Variants in RBBP8 observed in about 807,000 individuals in gnomAD.
The protein encoded by RBBP8 is DNA endonuclease RBBP8.
RBBP8 carries 88 observed loss-of-function variants against 108.3 expected under a neutral mutation model. That is an observed-to-expected ratio of 0.81 (90% confidence interval 0.68 to 0.97). RBBP8 has a LOEUF of 0.97. Ranked by LOEUF, RBBP8 falls within the 50% of genes least tolerant of loss-of-function variation. The pLI, the probability that RBBP8 is intolerant of heterozygous loss-of-function variation, is 0.00. For missense variants in RBBP8, 1,023 were observed against 1,049.0 expected, an observed-to-expected ratio of 0.98 and a Z score of 0.34; for synonymous variants, 332 against 348.2, an observed-to-expected ratio of 0.95 and a Z score of 0.52.
At chr18:22,983,974 G>A (rs1209038545) in intron 7 of RBBP8, among the ~76,000 whole-genome samples, 9 of 152,232 alleles carry the variant, frequency 5.9e-5, no homozygotes, top group African/African-American at 1.7e-4. Flanking sequence ...CCAGCTACTC[G>A]AGAGGCTGAA....
intron 3 of RBBP8, among the ~76,000 whole-genome samples, chr18:22,927,144 A>T (rs546342012): frequency 6.6e-6 from 1 of 152,340 alleles, no homozygotes; most frequent in South Asian, 2.1e-4. Flanking sequence ...CTCACCTCTC[A>T]AACAGCCTTT....
At chr18:22,962,536 G>GT (rs530134651) in intron 4 of RBBP8, among the ~76,000 whole-genome samples, 25 of 151,782 alleles carry the variant, frequency 1.6e-4, no homozygotes, top group Non-Finnish European at 2.9e-4. Flanking sequence ...CCCAAAGCAC[G>GT]TATCACCTTG....
At chr18:22,964,661 G>A (rs1913417729) in intron 4 of RBBP8, among the ~76,000 whole-genome samples, 1 of 142,728 alleles carries the variant, frequency 7.0e-6, no homozygotes, top group Non-Finnish European at 1.6e-5. Flanking sequence ...TTTTATTTTG[G>A]TTTTTGTTTA....
At chr18:22,946,331 C>G in intron 2 of RBBP8, 113 bp from the exon 3 acceptor site, 1 of 1,448,206 alleles carries the variant, frequency 6.9e-7, no homozygotes, top group Non-Finnish European at 9.4e-7. Flanking sequence ...ATACTGTAAA[C>G]TAATGAGACC....
chr18:22,939,083 ACATTT>A (rs1170099700), intron 2 of RBBP8, among the ~76,000 whole-genome samples: 1 of 152,220 alleles, frequency 6.6e-6, no homozygotes, highest in Non-Finnish European at 1.5e-5. Context: ...GCTTCATATT[ACATTT>A]GTTTCTTGAT....
At chr18:23,011,439 ATTT>A (rs11438456) in intron 16 of RBBP8, among the ~76,000 whole-genome samples, 1 of 139,182 alleles carries the variant, frequency 7.2e-6, no homozygotes. Flanking sequence ...CTTTGATGCT[ATTT>A]TTTTTTTTTT....
At chr18:22,968,951 T>C in intron 5 of RBBP8, 33 bp downstream of exon 5, 2 of 1,473,180 alleles carry the variant, frequency 1.4e-6, no homozygotes, top group Non-Finnish European at 1.9e-6. Flanking sequence ...TTATTTAAAG[T>C]ATGTAATGTA....
At chr18:22,979,516 GT>G (rs1914746636) in intron 6 of RBBP8, among the ~76,000 whole-genome samples, 1 of 152,128 alleles carries the variant, frequency 6.6e-6, no homozygotes, top group South Asian at 2.1e-4. Context: ...GTTGGTCATA[GT>G]TCATACAGTT....
chr18:23,006,260 A>C, intron 15 of RBBP8, 103 bp from the exon 16 acceptor site: 1 of 1,001,354 alleles, frequency 1.0e-6, no homozygotes, highest in Admixed American at 1.9e-5. Flanking sequence ...CATGAAACCC[A>C]ATAAAAATGG....
chr18:22,926,094 T>A (rs1373126489), intron 3 of RBBP8, among the ~76,000 whole-genome samples: 2 of 152,218 alleles, frequency 1.3e-5, no homozygotes, highest in African/African-American at 4.8e-5. Flanking sequence ...TATAAATAGA[T>A]GACATGGAAG....
intron 18 of RBBP8, chr18:23,024,482 A>T (rs1361719718): frequency 3.9e-5 from 6 of 152,224 alleles, no homozygotes; most frequent in Admixed American, 3.9e-4. Context: ...GAAGAATATT[A>T]GCTAAGCAGG....
At chr18:22,922,751 C>T (rs1040962164) in intron 3 of RBBP8, among the ~76,000 whole-genome samples, 2 of 152,120 alleles carry the variant, frequency 1.3e-5, no homozygotes, top group Admixed American at 6.5e-5. Flanking sequence ...AGGCATGAGC[C>T]GCCGCACTTG....
intron 12 of RBBP8, among the ~76,000 whole-genome samples, chr18:22,994,327 A>G (rs2045812888): frequency 6.8e-6 from 1 of 147,892 alleles, no homozygotes; most frequent in South Asian, 2.2e-4. Context: ...CCGGCCACTT[A>G]TATACGTTTT....
chr18:22,980,110 G>T (rs1042486515), intron 6 of RBBP8, among the ~76,000 whole-genome samples: 1 of 152,062 alleles, frequency 6.6e-6, no homozygotes, highest in African/African-American at 2.4e-5. Context: ...GCCAGGCATG[G>T]TGTTGCACGC....
intron 3 of RBBP8, among the ~76,000 whole-genome samples, chr18:22,924,128 T>TTG (rs11429421): frequency 7.7e-5 from 1 of 12,970 alleles, no homozygotes; most frequent in East Asian, 9.0e-4. Flanking sequence ...TTGTTTTTGG[T>TTG]TTTTTTTTTT....
In RBBP8 at chr18:23,001,639, C is replaced by T. The variant is rs1376199588; in HGVS notation, c.2197C>T (p.His733Tyr). The change falls in exon 15 of 19, where the codon CAT becomes TAT. Residue 733 changes from histidine (H) to tyrosine (Y), a missense_variant. Physicochemically the swap from His to Tyr is moderately conservative, Grantham distance 83. Coordinates refer to ENST00000327155, the MANE Select transcript of RBBP8 (RefSeq NM_002894.3). ...GGAAGATATGTTTGATCGGACAACA[C>T]ATGAAGAGTATGAATCCTGTTTGGC... is the stretch of plus-strand genomic sequence containing the variant. ...SLEDMFDRTTHEEYESCLADS... is the reference protein window; with the variant it reads ...SLEDMFDRTTYEEYESCLADS... 1 of 1,614,032 alleles carries T rather than the reference C, an allele frequency of 6.2e-7. No individual in the cohort carries two copies. Among genetic ancestry groups the T allele is most frequent in the East Asian group, 2.2e-5 (1 of 44,854 alleles).
intron 14 of RBBP8, among the ~76,000 whole-genome samples, chr18:22,998,882 A>T (rs983689447): frequency 3.9e-5 from 6 of 152,250 alleles, no homozygotes; most frequent in Admixed American, 3.9e-4. Context: ...CTATTAAAAG[A>T]AAAAACCTTC....
In RBBP8 at chr18:23,013,659, T is replaced by C. The variant is rs2144806649; in HGVS notation, c.2358-3169T>C. ...TCTGAGCAAGAAGGAGGAGTTAGTT[T>C]TGGGAAGGAGCTGATAATCATCTTT... On this transcript the variant is annotated intron_variant, in intron 16 of 18. Transcript: ENST00000327155. Among the ~76,000 whole-genome samples, 3 of 152,322 alleles carry C rather than the reference T, an allele frequency of 2.0e-5. No homozygotes were observed. In the Middle Eastern group the frequency reaches 0.01, roughly 518 times the overall value.
intron 8 of RBBP8, among the ~76,000 whole-genome samples, chr18:22,987,723 G>T (rs878894395): frequency 6.6e-6 from 1 of 152,162 alleles, no homozygotes; most frequent in South Asian, 2.1e-4. Context: ...CAAAGTGTTG[G>T]GATTACAGGC....
Sources: allele counts gnomAD v4.1 joint callset (sites outside exome capture counted in the v4.1 genomes callset), GRCh38; gene constraint gnomAD v4.1.1; transcripts MANE v1.5; gene names NCBI Gene and HGNC (gene_info 2026-07-23, HGNC 2026-07-21).